ARSB: variants seen among roughly 807,000 people sequenced by gnomAD.
ARSB encodes N-acetylgalactosamine-4-sulfatase.
ARSB carries 41 observed loss-of-function variants against 50.9 expected under a neutral mutation model. That is an observed-to-expected ratio of 0.81 (90% CI 0.63 to 1.04). ARSB has a LOEUF of 1.04. ARSB is among the 50% of genes least tolerant of loss of function. ARSB has a pLI of 0.00. For synonymous variants in ARSB, 269 were observed against 284.8 expected (o/e 0.94, Z 0.56); for missense variants, 672 against 693.3 (o/e 0.97, Z 0.35).
At chr5:78,858,185 T>C (rs991995564) in intron 5 of ARSB, among the ~76,000 whole-genome samples, 11 of 152,188 alleles carry the variant, frequency 7.2e-5, no homozygotes, top group Admixed American at 6.5e-4. Flanking sequence ...TTCCATTCAT[T>C]TGGTTTATTT....
chr5:78,972,337 C>T (rs943099288), intron 1 of ARSB, among the ~76,000 whole-genome samples: 1 of 152,170 alleles, frequency 6.6e-6, no homozygotes, highest in African/African-American at 2.4e-5. Context: ...TGGATTACTA[C>T]ACTATCCCTA....
At chr5:78,793,309 G>A (rs766539396) in intron 6 of ARSB, among the ~76,000 whole-genome samples, 26 of 152,140 alleles carry the variant, frequency 1.7e-4, no homozygotes, top group Non-Finnish European at 2.8e-4. Context: ...TTTTCATGCT[G>A]CCTGCAGTGG....
chr5:78,794,477 C>T (rs1202767938), intron 6 of ARSB, among the ~76,000 whole-genome samples: 1 of 152,074 alleles, frequency 6.6e-6, no homozygotes, highest in Admixed American at 6.6e-5. Flanking sequence ...TAAATGTGAC[C>T]TGTCCTGAAA....
At chr5:78,847,818 C>T (rs1477925785) in intron 5 of ARSB, among the ~76,000 whole-genome samples, 1 of 151,980 alleles carries the variant, frequency 6.6e-6, no homozygotes, top group Non-Finnish European at 1.5e-5. Flanking sequence ...TGAATTTATC[C>T]ATTTCCACTA....
At chr5:78,824,941 GT>G (rs1732154466) in intron 6 of ARSB, among the ~76,000 whole-genome samples, 1 of 152,184 alleles carries the variant, frequency 6.6e-6, no homozygotes, top group African/African-American at 2.4e-5. Flanking sequence ...ACTCTAAGGA[GT>G]GCATTTTTCT....
chr5:78,905,208 G>A (rs888352307), intron 4 of ARSB, among the ~76,000 whole-genome samples: 2 of 152,164 alleles, frequency 1.3e-5, no homozygotes, highest in Admixed American at 1.3e-4. Context: ...TTTGTCTCAT[G>A]GAGAATGGTT....
At chr5:78,907,477 T>C (rs935547287) in intron 4 of ARSB, among the ~76,000 whole-genome samples, 3 of 152,140 alleles carry the variant, frequency 2.0e-5, no homozygotes, top group Non-Finnish European at 4.4e-5. Context: ...TACAAAACTC[T>C]CAGTAACTGT....
intron 5 of ARSB, among the ~76,000 whole-genome samples, chr5:78,844,552 C>T (rs1298591329): frequency 1.3e-5 from 2 of 151,972 alleles, no homozygotes; most frequent in African/African-American, 2.4e-5. Context: ...TGATGTAGTT[C>T]GACTTATGTA....
intron 6 of ARSB, among the ~76,000 whole-genome samples, chr5:78,807,537 C>T (rs1300996675): frequency 6.6e-6 from 1 of 152,144 alleles, no homozygotes; most frequent in Non-Finnish European, 1.5e-5. Flanking sequence ...GTTTCCAGTA[C>T]CATATGCTGC....
In ARSB at chr5:78,975,448, A is replaced by G. The variant is rs944936443; in HGVS notation, c.313-6256T>C. ...GAAAAGCCGTGAAAATGTCTTGTCC[A>G]TTTATCAGTGTGATTAAGAAAAATG... On this transcript the variant is annotated intron_variant, in intron 1 of 7. Transcript: ENST00000264914. Among the ~76,000 whole-genome samples, 5 of 152,326 alleles carry G rather than the reference A, an allele frequency of 3.3e-5. No homozygotes were observed. In the South Asian group the frequency reaches 1.0e-3, roughly 32 times the overall value.
At chr5:78,782,942 C>T (rs1748966925) in intron 6 of ARSB, among the ~76,000 whole-genome samples, 1 of 152,108 alleles carries the variant, frequency 6.6e-6, no homozygotes, top group Admixed American at 6.5e-5. Context: ...CTCGGTTGAA[C>T]ATGCTCAGTT....
intron 6 of ARSB, among the ~76,000 whole-genome samples, chr5:78,784,798 C>CT (rs370754347): frequency 0.084 from 10,510 of 124,840 alleles, 655 homozygotes; most frequent in African/African-American, 0.14. Flanking sequence ...TTTTATTAGT[C>CT]TTTTTTTTTT....
intron 4 of ARSB, among the ~76,000 whole-genome samples, chr5:78,902,678 A>G (rs1198686997): frequency 6.6e-6 from 1 of 152,252 alleles, no homozygotes; most frequent in African/African-American, 2.4e-5. Context: ...AAAGCCATAT[A>G]TTGTATGATT....
At chr5:78,808,181 T>C (rs1324321112) in intron 6 of ARSB, among the ~76,000 whole-genome samples, 2 of 149,854 alleles carry the variant, frequency 1.3e-5, no homozygotes, top group East Asian at 2.0e-4. Flanking sequence ...ATAAACACCA[T>C]GTACCCAACA....
At chr5:78,798,034 C>T (rs2112641146) in intron 6 of ARSB, among the ~76,000 whole-genome samples, 1 of 152,132 alleles carries the variant, frequency 6.6e-6, no homozygotes, top group Middle Eastern at 3.4e-3. Flanking sequence ...TATGAGAAAG[C>T]AGGAAAGGAG....
At chr5:78,873,476 G>A (rs1747323186) in intron 5 of ARSB, among the ~76,000 whole-genome samples, 1 of 144,102 alleles carries the variant, frequency 6.9e-6, no homozygotes. Flanking sequence ...CAAAACAGTA[G>A]AATATAATAT....
rs1748885860 is a variant in ARSB, at chr5:78,780,268, C to T, written c.*129G>A. The T allele has an allele frequency of 7.8e-7, 1 of 1,278,516 alleles. No individual in the cohort carries two copies. The highest frequency in any genetic ancestry group is 1.1e-6 in the Non-Finnish European group (1 of 888,684). The allele number at this position is 1,278,516 out of a possible 1,614,324, so 79.2% of individuals were successfully genotyped here. On this transcript the variant is annotated 3_prime_UTR_variant, in exon 8 of 8. Transcript: ENST00000264914. ...TGCATTAGGGGTTGAAATTAGACAC[C>T]TCGGTGTGGTTTAAGAGCAAGAGAA...
At chr5:78,925,857 G>A (rs1320244299) in intron 4 of ARSB, among the ~76,000 whole-genome samples, 3 of 152,092 alleles carry the variant, frequency 2.0e-5, no homozygotes, top group African/African-American at 7.2e-5. Context: ...CAGAGAAGTA[G>A]AAGATAAAGC....
intron 4 of ARSB, among the ~76,000 whole-genome samples, chr5:78,919,466 CTTAT>C (rs1749702565): frequency 6.6e-6 from 1 of 152,002 alleles, no homozygotes; most frequent in Non-Finnish European, 1.5e-5. Context: ...GAGAGAGTTA[CTTAT>C]TTATTCATTT....
Sources: gnomAD v4.1 joint callset for allele counts (sites outside exome capture counted in the v4.1 genomes callset) on GRCh38, gnomAD v4.1.1 for gene constraint, MANE v1.5 for transcripts, NCBI Gene and HGNC (gene_info 2026-07-23, HGNC 2026-07-21) for gene names.